Variants in MINDY4 observed in about 807,000 individuals in gnomAD.
MINDY4 encodes MINDY lysine 48 deubiquitinase 4, also known as probable ubiquitin carboxyl-terminal hydrolase MINDY-4.
In MINDY4, 68 loss-of-function variants were observed where a neutral mutation model predicts 87.0. The observed-to-expected ratio is 0.78, with a 90% CI of 0.64 to 0.96. MINDY4 has a LOEUF of 0.96. Among genes scored for constraint, MINDY4 ranks in the 40% least tolerant of loss-of-function variants. The probability of loss-of-function intolerance (pLI) is 0.00; values close to 1 mark genes in which losing one functional copy is unlikely to be tolerated. For synonymous variants in MINDY4, 379 were observed against 363.2 expected, an observed-to-expected ratio of 1.04 and a Z score of -0.50; for missense variants, 919 against 928.2, an observed-to-expected ratio of 0.99 and a Z score of 0.13.
At chr7:30,773,516 A>G (rs6979445) in intron 1 of MINDY4, among the ~76,000 whole-genome samples, 23,051 of 151,874 alleles carry the variant, frequency 0.15, 2,671 homozygotes, top group African/African-American at 0.32. Context: ...CTACCCTTCA[A>G]CCACTTTGGC....
chr7:30,816,717 A>G (rs1448283507), intron 5 of MINDY4, among the ~76,000 whole-genome samples: 1 of 148,946 alleles, frequency 6.7e-6, no homozygotes, highest in Non-Finnish European at 1.5e-5. Flanking sequence ...CCCAGTTCCC[A>G]ATTAAGGGAG....
chr7:30,875,313 AG>A (rs1790225332), intron 14 of MINDY4, among the ~76,000 whole-genome samples, 181 bp from the exon 15 acceptor site: 1 of 152,232 alleles, frequency 6.6e-6, no homozygotes, highest in African/African-American at 2.4e-5. Context: ...TGATGAGAAA[AG>A]TTGGTGCCTT....
In MINDY4 at chr7:30,850,450, G is replaced by A. The variant is rs771636350; in HGVS notation, c.1446-4G>A. 5.6e-6 allele frequency: 9 copies of A among 1,609,738 alleles called. No individual in the cohort carries two copies. Among genetic ancestry groups the A allele is most frequent in the South Asian group, 2.2e-5 (2 of 89,872 alleles). The stretch of plus-strand genomic sequence containing the variant: ...CATAAATGCCTTCCTTTTCTTGTCC[G>A]CAGGGGACTGCAGCCTTCAGATGCC... On this transcript the variant is annotated splice_polypyrimidine_tract_variant and splice_region_variant and intron_variant, in intron 9 of 17. Coordinates refer to ENST00000265299, the MANE Select transcript of MINDY4 (RefSeq NM_032222.3).
At chr7:30,819,619 G>A (rs879349532) in intron 5 of MINDY4, among the ~76,000 whole-genome samples, 10 of 152,054 alleles carry the variant, frequency 6.6e-5, no homozygotes, top group African/African-American at 1.7e-4. Context: ...GTTTCTCCTC[G>A]TAGTTCTGTC....
intron 5 of MINDY4, among the ~76,000 whole-genome samples, chr7:30,817,200 AG>A (rs886118971): frequency 2.6e-5 from 4 of 152,130 alleles, no homozygotes; most frequent in African/African-American, 9.7e-5. Flanking sequence ...GTAACACCAA[AG>A]GTCATGCCAG....
intron 2 of MINDY4, chr7:30,781,082 T>C (rs1786996813): frequency 6.6e-6 from 1 of 152,292 alleles, no homozygotes; most frequent in South Asian, 2.1e-4. Flanking sequence ...CCTGAGGGCC[T>C]GCTCTGCCAG....
intron 6 of MINDY4, among the ~76,000 whole-genome samples, chr7:30,830,898 T>C (rs882534): frequency 0.38 from 57,511 of 151,988 alleles, 13,057 homozygotes; most frequent in African/African-American, 0.62. Flanking sequence ...ATGGCCCTGT[T>C]GGGGAGGATG....
rs758062373 is a variant in MINDY4, at chr7:30,839,171, A to G, written c.1240-29A>G. The G allele has an allele frequency of 4.1e-6, 6 of 1,463,318 alleles. No individual in the cohort carries two copies. In the Admixed American group the frequency reaches 9.6e-5, roughly 23 times the overall value. 90.6% of individuals were successfully genotyped at this position (1,463,318 alleles called of 1,614,324 possible). ...CGTATTGTTGCTTGCTTTTAAAACAACCAGTAAAACTCTCTCTTCTTTTTA... is the reference window on the plus strand; with the variant it reads ...CGTATTGTTGCTTGCTTTTAAAACAGCCAGTAAAACTCTCTCTTCTTTTTA... On this transcript the variant is annotated intron_variant, in intron 7 of 17. Transcript: ENST00000265299.
chr7:30,836,173 A>G (rs1788851420), intron 6 of MINDY4, among the ~76,000 whole-genome samples: 1 of 152,210 alleles, frequency 6.6e-6, no homozygotes, highest in Admixed American at 6.5e-5. Flanking sequence ...AAGTTACAAT[A>G]GTGATTATAT....
intron 5 of MINDY4, among the ~76,000 whole-genome samples, chr7:30,816,246 A>G (rs1181961469): frequency 6.6e-6 from 1 of 151,664 alleles, no homozygotes; most frequent in Non-Finnish European, 1.5e-5. Context: ...ATCTTTGTAC[A>G]GTTTTGTTTT....
chr7:30,849,400 A>G (rs893348015), intron 9 of MINDY4, among the ~76,000 whole-genome samples: 6 of 152,220 alleles, frequency 3.9e-5, no homozygotes, highest in African/African-American at 1.2e-4. Context: ...ATCCAAGAGA[A>G]GCCTAGAAGT....
intron 10 of MINDY4, 60 bp downstream of exon 10, chr7:30,850,615 G>A: frequency 6.8e-7 from 1 of 1,462,192 alleles, no homozygotes; most frequent in Non-Finnish European, 9.4e-7. Context: ...CTGCCGGCAA[G>A]CTGGCTGTGT....
At chr7:30,881,133 C>T (rs547417990) in intron 15 of MINDY4, among the ~76,000 whole-genome samples, 9 of 152,286 alleles carry the variant, frequency 5.9e-5, no homozygotes, top group Non-Finnish European at 8.8e-5. Flanking sequence ...CAGCCTGGCC[C>T]GTGGCACGTA....
intron 5 of MINDY4, among the ~76,000 whole-genome samples, chr7:30,827,115 A>G (rs1400432062): frequency 6.6e-6 from 1 of 152,160 alleles, no homozygotes; most frequent in African/African-American, 2.4e-5. Flanking sequence ...GAAGAGGCAG[A>G]GAGCAGAGGT....
chr7:30,812,687 A>G (rs1788039781), intron 5 of MINDY4, among the ~76,000 whole-genome samples: 1 of 152,206 alleles, frequency 6.6e-6, no homozygotes, highest in African/African-American at 2.4e-5. Context: ...CATGTTTTCC[A>G]GGTGCATAGA....
chr7:30,850,631 C>T lies in MINDY4; in HGVS notation c.1547+76C>T, dbSNP rs1383882066. 5 of 1,342,158 alleles carry T rather than the reference C, an allele frequency of 3.7e-6. No homozygotes were observed. The Admixed American group carries it at 7.9e-5, about 21-fold the overall frequency. The allele number at this position is 1,342,158 out of a possible 1,614,324, so 83.1% of individuals were successfully genotyped here. A position where few individuals can be genotyped will look rare whatever the true frequency, so the allele number is the denominator to read the frequency against. On this transcript the variant is annotated intron_variant, in intron 10 of 17. Coordinates refer to ENST00000265299, the MANE Select transcript of MINDY4 (RefSeq NM_032222.3). ...TGCCGGCAAGCTGGCTGTGTATGCT[C>T]CTATCCTTGGGTCCTTCCGTTACCC... is the stretch of plus-strand genomic sequence containing the variant.
intron 13 of MINDY4, among the ~76,000 whole-genome samples, chr7:30,861,407 ACCAT>A (rs1030120089): frequency 3.0e-4 from 46 of 152,318 alleles, no homozygotes; most frequent in African/African-American, 9.9e-4. Flanking sequence ...GAGTGCTGTC[ACCAT>A]CCCTGTTTTT....
In MINDY4 at chr7:30,872,268, A is replaced by G; in HGVS notation, c.1771A>G (p.Thr591Ala). ...CATCCGCCAGGACTTTGATGTCCCC[A>G]CCAGCCACCTGATTGGAGCACATGG... is the stretch of plus-strand genomic sequence containing the variant. The part of the protein sequence containing the change: ...ELIRQDFDVP[T>A]SHLIGAHGYC... The change falls in exon 14 of 18, where the codon ACC (threonine) becomes GCC (alanine). Residue 591 changes from threonine (T) to alanine (A), a missense_variant. Coordinates refer to ENST00000265299, the MANE Select transcript of MINDY4 (RefSeq NM_032222.3). 6.2e-7 allele frequency: 1 copy of G among 1,614,074 alleles called. No individual in the cohort carries two copies.
At chr7:30,825,192 A>C (rs1788462411) in intron 5 of MINDY4, among the ~76,000 whole-genome samples, 1 of 152,276 alleles carries the variant, frequency 6.6e-6, no homozygotes, top group Middle Eastern at 3.2e-3. Flanking sequence ...CTCAAAGGCA[A>C]GAACATGCTT....
Sources: allele counts gnomAD v4.1 joint callset (sites outside exome capture counted in the v4.1 genomes callset), GRCh38; gene constraint gnomAD v4.1.1; transcripts MANE v1.5; gene names NCBI Gene and HGNC (gene_info 2026-07-23, HGNC 2026-07-21).